PPFIA2: variants seen among roughly 807,000 people sequenced by gnomAD.
PPFIA2 encodes the protein PPFI scaffold protein A2.
Under a neutral mutation model 175.5 loss-of-function variants are expected in PPFIA2, and 46 were observed. The observed-to-expected ratio is 0.26, with a 90% CI of 0.21 to 0.34. The LOEUF (loss-of-function observed/expected upper bound fraction) is 0.34, where lower values mean the gene tolerates loss of function less well. Ranked by LOEUF, PPFIA2 falls within the 10% of genes least tolerant of loss-of-function variation. The pLI, the probability that PPFIA2 is intolerant of heterozygous loss-of-function variation, is 1.00. For missense variants in PPFIA2, 1,179 were observed against 1,506.1 expected, an observed-to-expected ratio of 0.78 and a Z score of 3.60; for synonymous variants, 568 against 511.4, an observed-to-expected ratio of 1.11 and a Z score of -1.49.
At chr12:81,444,299 T>C (rs2050815071) in intron 6 of PPFIA2, among the ~76,000 whole-genome samples, 1 of 152,194 alleles carries the variant, frequency 6.6e-6, no homozygotes. Context: ...ACTCTGAACT[T>C]CTCAGTCATA....
At chr12:81,369,030 C>A in intron 12 of PPFIA2, 81 bp downstream of exon 12, 1 of 1,307,470 alleles carries the variant, frequency 7.6e-7, no homozygotes, top group East Asian at 2.4e-5. Flanking sequence ...AACCCATACT[C>A]AGTTAAAGGC....
intron 8 of PPFIA2, among the ~76,000 whole-genome samples, chr12:81,395,428 G>T (rs576242391): frequency 1.3e-5 from 2 of 151,982 alleles, no homozygotes; most frequent in African/African-American, 4.8e-5. Flanking sequence ...TAAAAATCTT[G>T]TTGGGGCACA....
chr12:81,499,822 A>T (rs1477022432), intron 4 of PPFIA2, among the ~76,000 whole-genome samples: 1 of 152,144 alleles, frequency 6.6e-6, no homozygotes, highest in Non-Finnish European at 1.5e-5. Context: ...TTCCTAAAAA[A>T]AAAAGAAAGA....
chr12:81,644,666 A>G (rs1293287234), intron 4 of PPFIA2, among the ~76,000 whole-genome samples: 2 of 152,104 alleles, frequency 1.3e-5, no homozygotes. Flanking sequence ...TATTCTGTTA[A>G]TATTTGTTTT....
intron 22 of PPFIA2, among the ~76,000 whole-genome samples, chr12:81,321,368 T>C (rs538804766): frequency 2.0e-5 from 3 of 152,224 alleles, no homozygotes; most frequent in African/African-American, 7.2e-5. Flanking sequence ...TAATGAGATA[T>C]ATAATAAAAA....
intron 4 of PPFIA2, among the ~76,000 whole-genome samples, chr12:81,651,557 G>T (rs973821512): frequency 6.6e-6 from 1 of 151,966 alleles, no homozygotes; most frequent in African/African-American, 2.4e-5. Flanking sequence ...CTCAAGGTCA[G>T]CTTCTGATGT....
chr12:81,371,275 A>C (rs1235015452), intron 11 of PPFIA2, among the ~76,000 whole-genome samples: 12 of 126,722 alleles, frequency 9.5e-5, no homozygotes, highest in Non-Finnish European at 7.3e-5. Flanking sequence ...ATTTAAAAAT[A>C]TATTTTATTA....
chr12:81,297,738 T>C (rs1453962365), intron 23 of PPFIA2, among the ~76,000 whole-genome samples: 1 of 152,238 alleles, frequency 6.6e-6, no homozygotes, highest in Non-Finnish European at 1.5e-5. Flanking sequence ...GCCAATACAT[T>C]GTTACCAATG....
intron 4 of PPFIA2, among the ~76,000 whole-genome samples, chr12:81,620,217 GGATAAATAAAA>G (rs1401707611): frequency 6.7e-6 from 1 of 149,540 alleles, no homozygotes; most frequent in Non-Finnish European, 1.5e-5. Context: ...TAAGTTGACT[GGATAAATAAAA>G]AATAATTTAA....
At position 81,676,922 on chromosome 12, in the gene PPFIA2, T is replaced by A. The variant is rs114694708; in HGVS notation, c.250-78A>T. On this transcript the variant is annotated intron_variant, in intron 3 of 32. Coordinates refer to ENST00000549396, the MANE Select transcript of PPFIA2 (RefSeq NM_003625.5). ...TCCCCCAGTCCCACAGTGTAATAATTTATTTAGCTGCAAAGTTAGGGCATG... is the reference window on the plus strand; with the variant it reads ...TCCCCCAGTCCCACAGTGTAATAATATATTTAGCTGCAAAGTTAGGGCATG... 3.0e-4 allele frequency: 325 copies of A among 1,071,166 alleles called. 1 individual carries two copies. The African/African-American group carries it at 5.0e-3, about 16-fold the overall frequency. 66.4% of individuals were successfully genotyped at this position (1,071,166 alleles called of 1,614,324 possible).
In PPFIA2 at chr12:81,428,018, T is replaced by C. The variant is rs1048122928; in HGVS notation, c.645+11954A>G. On this transcript the variant is annotated intron_variant, in intron 7 of 32. Coordinates refer to ENST00000549396, the MANE Select transcript of PPFIA2 (RefSeq NM_003625.5). ...TATCTTGCCTCTCACCAAAGTTCAA[T>C]ATTTCATCTAAATTTCTAAGCAATA... Among the ~76,000 whole-genome samples, 3 of 152,108 alleles carry C rather than the reference T, an allele frequency of 2.0e-5. No homozygotes were observed. The South Asian group carries it at 6.2e-4, about 31-fold the overall frequency.
chr12:81,550,674 G>T (rs926026006), intron 4 of PPFIA2, among the ~76,000 whole-genome samples: 5 of 151,916 alleles, frequency 3.3e-5, no homozygotes, highest in African/African-American at 4.8e-5. Flanking sequence ...ATATTGATGT[G>T]CATAGGGGAT....
At chr12:81,679,310 C>A (rs1402864381) in intron 3 of PPFIA2, among the ~76,000 whole-genome samples, 1 of 151,764 alleles carries the variant, frequency 6.6e-6, no homozygotes, top group Non-Finnish European at 1.5e-5. Context: ...GGAGTTAATA[C>A]ATGTCTTTCT....
In PPFIA2 at chr12:81,611,239, A is replaced by G. The variant is rs115281705; in HGVS notation, c.303+65552T>C. On this transcript the variant is annotated intron_variant, in intron 4 of 32. Transcript: ENST00000549396. ...GAGCCTCTCTTGGGCAAAGGTTGTGACAGGGAGATATGCCGCACCGTTTAT... is the reference window on the plus strand; with the variant it reads ...GAGCCTCTCTTGGGCAAAGGTTGTGGCAGGGAGATATGCCGCACCGTTTAT... 4.2e-3 allele frequency among the ~76,000 whole-genome samples: 640 copies of G among 152,188 alleles called. 6 individuals are homozygous for G. Among genetic ancestry groups the G allele is most frequent in the African/African-American group, 0.015 (612 of 41,546 alleles).
chr12:81,576,792 T>TA (rs2073633600), intron 4 of PPFIA2, among the ~76,000 whole-genome samples: 1 of 151,866 alleles, frequency 6.6e-6, no homozygotes, highest in Non-Finnish European at 1.5e-5. Flanking sequence ...GAAAGCATTT[T>TA]AAAACAAGTT....
chr12:81,497,450 A>G (rs1390718820), intron 4 of PPFIA2, among the ~76,000 whole-genome samples: 11 of 151,838 alleles, frequency 7.2e-5, no homozygotes, highest in Admixed American at 7.2e-4. Context: ...ATAGGAACAC[A>G]TAATAGAGAC....
In PPFIA2 at chr12:81,655,699, T is replaced by C. The variant is rs2067686566; in HGVS notation, c.303+21092A>G. 2.0e-5 allele frequency among the ~76,000 whole-genome samples: 3 copies of C among 152,044 alleles called. No homozygotes were observed. The South Asian group carries it at 6.2e-4, about 31-fold the overall frequency. On this transcript the variant is annotated intron_variant, in intron 4 of 32. Coordinates refer to ENST00000549396, the MANE Select transcript of PPFIA2 (RefSeq NM_003625.5). ...CTATATGATTTCAATTCTTTGACAA[T>C]TAATGTGTTTATCTGTATATGGCCT...
chr12:81,523,130 C>G (rs1377899336), intron 4 of PPFIA2, among the ~76,000 whole-genome samples: 4 of 152,166 alleles, frequency 2.6e-5, no homozygotes, highest in Non-Finnish European at 5.9e-5. Context: ...GTGGCTGCTC[C>G]TGACAGAAAG....
intron 4 of PPFIA2, among the ~76,000 whole-genome samples, chr12:81,528,162 TGA>T (rs1438211510): frequency 6.6e-6 from 1 of 151,932 alleles, no homozygotes; most frequent in Non-Finnish European, 1.5e-5. Flanking sequence ...TTTGAATGAA[TGA>T]GAGAGTGCCA....
Sources: gnomAD v4.1 joint callset for allele counts (sites outside exome capture counted in the v4.1 genomes callset) on GRCh38, gnomAD v4.1.1 for gene constraint, MANE v1.5 for transcripts, NCBI Gene and HGNC (gene_info 2026-07-23, HGNC 2026-07-21) for gene names.